Variants in SLC35F3 observed in about 807,000 individuals in gnomAD.
SLC35F3 encodes the protein putative thiamine transporter SLC35F3.
In SLC35F3, 25 loss-of-function variants were observed where a neutral mutation model predicts 49.9. The observed-to-expected ratio is 0.50, with a 90% CI of 0.37 to 0.70. The LOEUF is 0.70. Among genes scored for constraint, SLC35F3 ranks in the 30% least tolerant of loss-of-function variants. SLC35F3 has a pLI of 0.00. For synonymous variants in SLC35F3, 275 were observed against 265.4 expected (o/e 1.04, Z -0.35); for missense variants, 525 against 639.8 (o/e 0.82, Z 1.94).
chr1:233,906,015 T>G (rs1661770872), intron 2 of SLC35F3, among the ~76,000 whole-genome samples: 1 of 152,212 alleles, frequency 6.6e-6, no homozygotes, highest in Admixed American at 6.5e-5. Context: ...ATCTCTCCAC[T>G]GCCAAATACG....
chr1:233,983,073 T>A (rs1477480597), intron 2 of SLC35F3, among the ~76,000 whole-genome samples: 1 of 152,170 alleles, frequency 6.6e-6, no homozygotes, highest in Non-Finnish European at 1.5e-5. Flanking sequence ...CCCCCTGCTC[T>A]TACTAGAAGC....
chr1:234,086,938 G>T (rs1161948950), intron 2 of SLC35F3, among the ~76,000 whole-genome samples: 1 of 152,212 alleles, frequency 6.6e-6, no homozygotes, highest in East Asian at 1.9e-4. Flanking sequence ...GTTAGCAATT[G>T]AATTTCCCCA....
chr1:233,921,896 G>C (rs1439595297), intron 2 of SLC35F3, among the ~76,000 whole-genome samples: 1 of 149,212 alleles, frequency 6.7e-6, no homozygotes, highest in African/African-American at 2.5e-5. Context: ...ATGGGTATTT[G>C]GTTTTCTGTC....
At chr1:233,969,019 T>A (rs1235493312) in intron 2 of SLC35F3, among the ~76,000 whole-genome samples, 1 of 144,532 alleles carries the variant, frequency 6.9e-6, no homozygotes, top group African/African-American at 2.5e-5. Flanking sequence ...CTAAAGAAGA[T>A]CCCATTATGA....
intron 2 of SLC35F3, among the ~76,000 whole-genome samples, chr1:234,164,880 T>G: frequency 6.6e-6 from 1 of 152,022 alleles, no homozygotes; most frequent in African/African-American, 2.4e-5. Context: ...TTTCCTGTGT[T>G]TTGGAAAAAT....
At chr1:234,217,854 G>A (rs1667146140) in intron 2 of SLC35F3, among the ~76,000 whole-genome samples, 1 of 151,020 alleles carries the variant, frequency 6.6e-6, no homozygotes, top group Admixed American at 6.6e-5. Flanking sequence ...TGAGGAACAG[G>A]CCTTTCTAAG....
chr1:234,253,231 C>A (rs1667765285), intron 3 of SLC35F3, among the ~76,000 whole-genome samples: 2 of 152,032 alleles, frequency 1.3e-5, no homozygotes, highest in African/African-American at 2.4e-5. Context: ...GAGGCTGAGG[C>A]AGGAGGATCA....
chr1:234,011,325 G>A (rs1044263829), intron 2 of SLC35F3, among the ~76,000 whole-genome samples: 5 of 152,102 alleles, frequency 3.3e-5, no homozygotes, highest in African/African-American at 4.8e-5. Context: ...GATATGACAG[G>A]ATTGCAGAGT....
At chr1:234,279,712 C>T (rs185922083) in intron 3 of SLC35F3, among the ~76,000 whole-genome samples, 36 of 152,260 alleles carry the variant, frequency 2.4e-4, no homozygotes, top group African/African-American at 6.0e-4. Context: ...GGGCCTGGGT[C>T]GGCTGCTTAC....
At chr1:234,270,382 A>C (rs2292805) in intron 3 of SLC35F3, among the ~76,000 whole-genome samples, 74,435 of 152,040 alleles carry the variant, frequency 0.49, 18,504 homozygotes, top group Non-Finnish European at 0.51. Context: ...TTCTATAAAG[A>C]AATTCTCAGG....
intron 2 of SLC35F3, among the ~76,000 whole-genome samples, chr1:234,179,766 A>G (rs1319069959): frequency 1.3e-5 from 2 of 152,220 alleles, no homozygotes; most frequent in African/African-American, 2.4e-5. Flanking sequence ...TTCAGGTTCA[A>G]TTAAAGAGGA....
At chr1:234,150,879 G>A (rs1193040608) in intron 2 of SLC35F3, among the ~76,000 whole-genome samples, 1 of 152,194 alleles carries the variant, frequency 6.6e-6, no homozygotes, top group Non-Finnish European at 1.5e-5. Context: ...CCCAGTGTTG[G>A]CAGTGACTGA....
Position 234,301,944 on chromosome 1 carries a change from A to C in SLC35F3, c.609-7157A>C, listed in dbSNP as rs536786662. ...CTCAGCAAACTAACACAGGAACAGA[A>C]AACCAAACACCCCACATTCTCACTC... On this transcript the variant is annotated intron_variant, in intron 3 of 7. Transcript: ENST00000366618. Among the ~76,000 whole-genome samples, 49 of 152,210 alleles carry C rather than the reference A, an allele frequency of 3.2e-4. 1 individual carries two copies. Among genetic ancestry groups the C allele is most frequent in the Non-Finnish European group, 5.1e-4 (35 of 68,036 alleles).
chr1:234,289,936 A>G (rs1668480650), intron 3 of SLC35F3, among the ~76,000 whole-genome samples: 2 of 152,264 alleles, frequency 1.3e-5, no homozygotes, highest in Admixed American at 6.5e-5. Context: ...TGCACAAACC[A>G]AAAGAGCTTT....
At chr1:234,076,997 T>G (rs1664801783) in intron 2 of SLC35F3, among the ~76,000 whole-genome samples, 1 of 119,192 alleles carries the variant, frequency 8.4e-6, no homozygotes, top group Non-Finnish European at 1.6e-5. Flanking sequence ...GTTTTTTTTT[T>G]GTTTTTTTTT....
rs140640150 is a variant in SLC35F3 at position 234,035,960 on chromosome 1, T to C, written c.283+130202T>C. 7.8e-3 allele frequency among the ~76,000 whole-genome samples: 1,192 copies of C among 152,320 alleles called. 3 individuals carry two copies. The highest frequency in any genetic ancestry group is 0.044 in the Middle Eastern group (13 of 294). On this transcript the variant is annotated intron_variant, in intron 2 of 7. Transcript: ENST00000366618. ...ATAAATAAAGACTTCCAGTGAGCCT[T>C]GGCTGTCCGCTCATACTTAGGAGCA...
chr1:233,953,593 G>A (rs1662645197), intron 2 of SLC35F3, among the ~76,000 whole-genome samples: 1 of 152,230 alleles, frequency 6.6e-6, no homozygotes, highest in Non-Finnish European at 1.5e-5. Flanking sequence ...CCCTGTGGAG[G>A]AGATGGATGC....
At chr1:234,124,165 C>T (rs1450120941) in intron 2 of SLC35F3, among the ~76,000 whole-genome samples, 1 of 152,150 alleles carries the variant, frequency 6.6e-6, no homozygotes, top group Admixed American at 6.5e-5. Context: ...CAGCCAGAGA[C>T]GAATGATGTA....
At chr1:234,132,574 A>G (rs1287291915) in intron 2 of SLC35F3, among the ~76,000 whole-genome samples, 1 of 152,190 alleles carries the variant, frequency 6.6e-6, no homozygotes, top group Non-Finnish European at 1.5e-5. Context: ...CAAAAGAAAC[A>G]TTGTGTATTG....
Sources: allele counts gnomAD v4.1 joint callset (sites outside exome capture counted in the v4.1 genomes callset), GRCh38; gene constraint gnomAD v4.1.1; transcripts MANE v1.5; gene names NCBI Gene and HGNC (gene_info 2026-07-23, HGNC 2026-07-21).